Variants in DAB1 observed in about 807,000 individuals in gnomAD.
DAB1 encodes the protein disabled homolog 1.
A neutral mutation model predicts 64.6 loss-of-function variants in DAB1; 15 were observed. The ratio of observed to expected loss-of-function variants is 0.23; its 90% CI spans 0.16 to 0.36. DAB1 has a LOEUF of 0.36. Among genes scored for constraint, DAB1 ranks in the 10% least tolerant of loss-of-function variants. DAB1 has a pLI of 1.00. For missense variants in DAB1, 596 were observed against 706.7 expected, an observed-to-expected ratio of 0.84 and a Z score of 1.78; for synonymous variants, 235 against 251.9, an observed-to-expected ratio of 0.93 and a Z score of 0.64.
intron 1 of DAB1, chr1:58,536,809 A>G: frequency 1.3e-6 from 1 of 771,466 alleles, no homozygotes. Flanking sequence ...GCTCAAATGC[A>G]TACACTAGAA....
At chr1:57,096,434 G>T (rs571778645) in intron 4 of DAB1, among the ~76,000 whole-genome samples, 2 of 152,180 alleles carry the variant, frequency 1.3e-5, no homozygotes, top group Admixed American at 6.5e-5. Context: ...GGAACTTGAA[G>T]AAAAATTAAA....
At chr1:58,024,265 T>G (rs1646855754) in intron 5 of DAB1, among the ~76,000 whole-genome samples, 2 of 152,182 alleles carry the variant, frequency 1.3e-5, no homozygotes. Flanking sequence ...TGCAATGAAC[T>G]AATGCCATAC....
chr1:57,749,348 G>T (rs1208167481), intron 6 of DAB1, among the ~76,000 whole-genome samples: 1 of 152,240 alleles, frequency 6.6e-6, no homozygotes, highest in Non-Finnish European at 1.5e-5. Flanking sequence ...TAGACTAGTA[G>T]TCAGAAGCCA....
rs770355806 is a variant in DAB1, at chr1:57,733,519, T to C, written n.552-83854A>G. Among the ~76,000 whole-genome samples, 69 of 152,102 alleles carry C rather than the reference T, an allele frequency of 4.5e-4. 1 individual carries two copies. The highest frequency in any genetic ancestry group is 4.2e-3 in the Admixed American group (64 of 15,264). On this transcript the variant is annotated intron_variant and non_coding_transcript_variant, in intron 6 of 20. Coordinates refer to the DAB1 transcript ENST00000485760. ...TAAGCCAGTTTATCTCATCTAAACC[T>C]TCCAAGGACCTTACAAGATTTGGTC...
At chr1:57,055,766 A>C (rs1417624387) in intron 9 of DAB1, among the ~76,000 whole-genome samples, 1 of 151,370 alleles carries the variant, frequency 6.6e-6, no homozygotes, top group Admixed American at 6.6e-5. Flanking sequence ...TCCTACAAAA[A>C]TTTATTCATG....
chr1:58,155,543 C>G (rs557945723), intron 4 of DAB1, among the ~76,000 whole-genome samples: 4 of 152,258 alleles, frequency 2.6e-5, no homozygotes, highest in South Asian at 4.1e-4. Flanking sequence ...TCTAGCACCC[C>G]CTATTGGCAG....
chr1:57,027,047 A>T (rs1251098068), intron 9 of DAB1, among the ~76,000 whole-genome samples: 3 of 152,152 alleles, frequency 2.0e-5, no homozygotes, highest in Non-Finnish European at 4.4e-5. Flanking sequence ...AGTAGAAGGG[A>T]TGTGAAGAGT....
intron 7 of DAB1, among the ~76,000 whole-genome samples, chr1:57,484,042 G>T (rs959015084): frequency 6.6e-6 from 1 of 152,132 alleles, no homozygotes; most frequent in African/African-American, 2.4e-5. Context: ...TGGGGGCAAG[G>T]TGGGCAAATT....
At chr1:57,312,036 T>C (rs1674754017) in intron 1 of DAB1, among the ~76,000 whole-genome samples, 1 of 152,194 alleles carries the variant, frequency 6.6e-6, no homozygotes, top group Non-Finnish European at 1.5e-5. Flanking sequence ...GTATCTAAAG[T>C]CCTTGAGTCC....
chr1:57,277,472 A>G (rs1390874621), intron 2 of DAB1, among the ~76,000 whole-genome samples: 1 of 152,188 alleles, frequency 6.6e-6, no homozygotes, highest in Non-Finnish European at 1.5e-5. Context: ...AAGACAGCAG[A>G]AACAAGTCTT....
chr1:58,168,253 T>C (rs1655970414), intron 4 of DAB1, among the ~76,000 whole-genome samples: 1 of 152,146 alleles, frequency 6.6e-6, no homozygotes, highest in African/African-American at 2.4e-5. Context: ...CTTCCGCTTT[T>C]CCTTTACTTC....
chr1:57,421,192 G>C (rs1390529808), intron 1 of DAB1, among the ~76,000 whole-genome samples: 1 of 152,158 alleles, frequency 6.6e-6, no homozygotes, highest in Admixed American at 6.5e-5. Flanking sequence ...TCCTCTCTGG[G>C]TTGGGAGGAG....
chr1:58,333,279 G>C (rs1663018338), intron 4 of DAB1, among the ~76,000 whole-genome samples: 3 of 152,142 alleles, frequency 2.0e-5, no homozygotes, highest in Admixed American at 6.5e-5. Context: ...GGTAGGGGAG[G>C]AATCACGTGA....
rs556234592 is a variant in DAB1 at position 57,960,507 on chromosome 1, A to G, written n.388-76345T>C. ...AGGAACCAAATTAAAAAAAAAAAAA[A>G]GGAAATCTATGTGAGTGTTAAATAT... On this transcript the variant is annotated intron_variant and non_coding_transcript_variant, in intron 5 of 20. Transcript: ENST00000485760. Among the ~76,000 whole-genome samples the G allele has an allele frequency of 8.6e-4, 130 of 151,790 alleles. 3 individuals carry two copies. Among genetic ancestry groups the G allele is most frequent in the African/African-American group, 2.9e-3 (122 of 41,406 alleles).
chr1:57,011,494 AGG>A (rs1646265530), intron 12 of DAB1, among the ~76,000 whole-genome samples: 1 of 152,178 alleles, frequency 6.6e-6, no homozygotes. Context: ...CTGATAGGTA[AGG>A]CAGTGGTTCT....
chr1:57,893,580 G>A (rs1644349120), intron 5 of DAB1, among the ~76,000 whole-genome samples: 1 of 152,114 alleles, frequency 6.6e-6, no homozygotes, highest in Non-Finnish European at 1.5e-5. Context: ...AACATATAAG[G>A]AAATAAAATA....
At chr1:57,964,289 C>T (rs1323594594) in intron 5 of DAB1, among the ~76,000 whole-genome samples, 1 of 152,192 alleles carries the variant, frequency 6.6e-6, no homozygotes, top group African/African-American at 2.4e-5. Flanking sequence ...ATTCATCCAA[C>T]AATGTATTGC....
intron 3 of DAB1, among the ~76,000 whole-genome samples, 169 bp from the exon 4 acceptor site, chr1:57,136,810 T>C (rs1253634598): frequency 3.9e-5 from 6 of 152,136 alleles, no homozygotes; most frequent in African/African-American, 9.7e-5. Context: ...TCCTTGGTGT[T>C]TTAGGGTAAT....
chr1:57,741,469 G>T (rs1647987975), intron 6 of DAB1, among the ~76,000 whole-genome samples: 1 of 152,146 alleles, frequency 6.6e-6, no homozygotes, highest in Non-Finnish European at 1.5e-5. Flanking sequence ...TAGCCTACCT[G>T]TTCCAAGAAT....
Sources: allele counts gnomAD v4.1 joint callset (sites outside exome capture counted in the v4.1 genomes callset), GRCh38; gene constraint gnomAD v4.1.1; transcripts MANE v1.5; gene names NCBI Gene and HGNC (gene_info 2026-07-23, HGNC 2026-07-21).